The following SYNGR1 variants were observed in gnomAD, a reference collection of about 807,000 sequenced individuals.
The protein encoded by SYNGR1 is synaptogyrin 1.
In SYNGR1, 14 loss-of-function variants were observed where a neutral mutation model predicts 26.1. The ratio of observed to expected loss-of-function variants is 0.54; its 90% confidence interval spans 0.35 to 0.84. SYNGR1 has a LOEUF of 0.84. Among genes scored for constraint, SYNGR1 ranks in the 40% least tolerant of loss-of-function variants. The probability of loss-of-function intolerance (pLI) is 0.01; values close to 1 mark genes in which losing one functional copy is unlikely to be tolerated. For missense variants in SYNGR1, 319 were observed against 332.9 expected (o/e 0.96, Z 0.33); for synonymous variants, 141 against 150.1 (o/e 0.94, Z 0.44).
intron 1 of SYNGR1, among the ~76,000 whole-genome samples, chr22:39,351,926 C>T (rs776152691): frequency 1.3e-5 from 2 of 152,168 alleles, no homozygotes; most frequent in Non-Finnish European, 2.9e-5. Flanking sequence ...TACATATGCA[C>T]ATCCAGGGGA....
rs143669286 is a variant in SYNGR1, at chr22:39,376,632, A to G, written c.483+435A>G. On this transcript the variant is annotated intron_variant, in intron 3 of 3. Transcript: ENST00000328933. ...GATCGGGGCTGCCTCTGATTTTCCT[A>G]GCCTCTGTCTTCCCATCCATAAAAT... 5.8e-4 allele frequency among the ~76,000 whole-genome samples: 89 copies of G among 152,282 alleles called. 1 individual carries two copies. The East Asian group carries it at 0.011, about 18-fold the overall frequency.
intron 1 of SYNGR1, among the ~76,000 whole-genome samples, chr22:39,373,179 T>A (rs899200299): frequency 1.3e-5 from 2 of 152,016 alleles, no homozygotes; most frequent in African/African-American, 2.4e-5. Context: ...AGATAGATTT[T>A]TTTTTTTTTG....
intron 1 of SYNGR1, among the ~76,000 whole-genome samples, chr22:39,367,837 A>C (rs1311963043): frequency 6.6e-6 from 1 of 151,674 alleles, no homozygotes; most frequent in Admixed American, 6.6e-5. Context: ...AAAAAAAAAA[A>C]AAAAACAAAG....
At chr22:39,375,871 A>G (rs551788090) in intron 2 of SYNGR1, 181 bp from the exon 3 acceptor site, 3 of 816,214 alleles carry the variant, frequency 3.7e-6, no homozygotes, top group South Asian at 3.0e-5. Flanking sequence ...TCTCGCCTGC[A>G]TCTTCTCTTG....
At chr22:39,370,211 A>T (rs1267989188) in intron 1 of SYNGR1, among the ~76,000 whole-genome samples, 1 of 151,214 alleles carries the variant, frequency 6.6e-6, no homozygotes, top group African/African-American at 2.4e-5. Context: ...GCTCACTGCA[A>T]CCTCTACCTC....
At chr22:39,355,031 C>T (rs1331192454) in intron 1 of SYNGR1, among the ~76,000 whole-genome samples, 1 of 152,152 alleles carries the variant, frequency 6.6e-6, no homozygotes, top group Non-Finnish European at 1.5e-5. Context: ...TTCATTTGTT[C>T]ATTCCACAAG....
Position 39,377,651 on chromosome 22 carries a change from G to T in SYNGR1, c.483+1454G>T, listed in dbSNP as rs753882136. ...GATTCAAGGACCTAAGCTTCCAGGA[G>T]GAGTACAGCACACTGTTCCCTGCCT... On this transcript the variant is annotated intron_variant, in intron 3 of 3. Transcript: ENST00000328933. The T allele has an allele frequency of 8.1e-6, 13 of 1,613,906 alleles. No homozygotes were observed. In the African/African-American group the frequency reaches 1.7e-4, roughly 22 times the overall value.
At chr22:39,364,324 C>T (rs1218332057) in intron 1 of SYNGR1, 21 of 1,613,710 alleles carry the variant, frequency 1.3e-5, no homozygotes, top group Admixed American at 1.7e-5. Flanking sequence ...TGTGGGTCAG[C>T]GAGAGGCAGG....
rs143384592 is a variant in SYNGR1, at chr22:39,381,902, G to T, written c.690G>T (p.Ser230=). 6 of 1,611,020 alleles carry T rather than the reference G, an allele frequency of 3.7e-6. No homozygotes were observed. In the African/African-American group the frequency reaches 5.3e-5, roughly 14 times the overall value. Residue 230 remains serine (S), a synonymous_variant, in exon 4 of 4, where the codon TCG becomes TCT. Coordinates refer to ENST00000328933, the MANE Select transcript of SYNGR1 (RefSeq NM_004711.5). ...ACACCGAGCCCCAGGGCTACCAGTCGCAGGGCTACTGAGCCACAGTGACCG... is the reference window on the plus strand; with the variant it reads ...ACACCGAGCCCCAGGGCTACCAGTCTCAGGGCTACTGAGCCACAGTGACCG... ...TFDTEPQGYQ[S]QGY
At chr22:39,357,797 C>T (rs924215365) in intron 1 of SYNGR1, among the ~76,000 whole-genome samples, 14 of 152,246 alleles carry the variant, frequency 9.2e-5, no homozygotes, top group Non-Finnish European at 5.9e-5. Flanking sequence ...CCCACCGGCG[C>T]TGCGCTCGAT....
intron 1 of SYNGR1, among the ~76,000 whole-genome samples, chr22:39,361,821 G>C (rs915270868): frequency 6.6e-6 from 1 of 152,206 alleles, no homozygotes; most frequent in East Asian, 1.9e-4. Flanking sequence ...CCCCTTTCCA[G>C]GTGGTGATGT....
intron 1 of SYNGR1, among the ~76,000 whole-genome samples, chr22:39,355,346 G>C (rs3788549): frequency 1.3e-5 from 2 of 152,232 alleles, no homozygotes; most frequent in South Asian, 2.1e-4. Context: ...CCAGTACCGG[G>C]CACAGCCCTG....
intron 1 of SYNGR1, among the ~76,000 whole-genome samples, chr22:39,358,472 C>T (rs143410323): frequency 6.6e-6 from 1 of 152,194 alleles, no homozygotes; most frequent in African/African-American, 2.4e-5. Context: ...GTCCACACTA[C>T]TTTTATGAGC....
chr22:39,372,210 C>A (rs538643148), intron 1 of SYNGR1, among the ~76,000 whole-genome samples: 1 of 144,084 alleles, frequency 6.9e-6, no homozygotes, highest in Non-Finnish European at 1.5e-5. Context: ...TGGCACACTG[C>A]AACCTCCACC....
intron 3 of SYNGR1, chr22:39,377,288 G>T (rs1925326328): frequency 1.0e-6 from 1 of 985,298 alleles, no homozygotes; most frequent in South Asian, 4.7e-5. Context: ...TTTGGAGGGG[G>T]AGACCCGTGG....
At chr22:39,368,243 C>T (rs550811435) in intron 1 of SYNGR1, among the ~76,000 whole-genome samples, 2 of 152,302 alleles carry the variant, frequency 1.3e-5, no homozygotes, top group East Asian at 1.9e-4. Context: ...TCCTTGGTTT[C>T]GGTGCTATTG....
chr22:39,372,202 G>A (rs886313864), intron 1 of SYNGR1, among the ~76,000 whole-genome samples: 2 of 145,208 alleles, frequency 1.4e-5, no homozygotes, highest in African/African-American at 5.1e-5. Flanking sequence ...GTTGATCTTG[G>A]CACACTGCAA....
chr22:39,350,092 C>T lies in SYNGR1; in HGVS notation c.82C>T (p.Leu28=). The T allele has an allele frequency of 6.8e-7, 1 of 1,469,604 alleles. No individual in the cohort carries two copies. 91.0% of individuals were successfully genotyped at this position (1,469,604 alleles called of 1,614,324 possible). The change falls in exon 1 of 4, where the codon CTG becomes TTG. Residue 28 remains leucine (L), a synonymous_variant. Coordinates refer to ENST00000328933, the MANE Select transcript of SYNGR1 (RefSeq NM_004711.5). The surrounding 1 kb of genome is among the most constrained non-coding windows in gnomAD (Gnocchi z 4.3). ...CCTGGTCCGGCAGCCGCACACCATCCTGCGCGTCGTGTCTTGGGTAAGGAC... is the reference window on the plus strand; with the variant it reads ...CCTGGTCCGGCAGCCGCACACCATCTTGCGCGTCGTGTCTTGGGTAAGGAC... ...YTLVRQPHTI[L]RVVSWLFSIV...
At chr22:39,366,884 C>T (rs1329591343) in intron 1 of SYNGR1, among the ~76,000 whole-genome samples, 1 of 152,204 alleles carries the variant, frequency 6.6e-6, no homozygotes, top group East Asian at 1.9e-4. Context: ...TCACCCTGGC[C>T]CTCAAGGCCA....
Sources: allele counts gnomAD v4.1 joint callset (sites outside exome capture counted in the v4.1 genomes callset), GRCh38; gene constraint gnomAD v4.1.1; non-coding constraint Gnocchi (gnomAD v3.1); transcripts MANE v1.5; gene names NCBI Gene and HGNC (gene_info 2026-07-23, HGNC 2026-07-21).